STIMATE: variants seen among roughly 807,000 people sequenced by gnomAD.
STIMATE encodes store-operated calcium entry regulator STIMATE.
In STIMATE, 15 loss-of-function variants were observed where a neutral mutation model predicts 36.7. The ratio of observed to expected loss-of-function variants is 0.41; its 90% confidence interval spans 0.27 to 0.63. STIMATE has a LOEUF of 0.63. Among genes scored for constraint, STIMATE ranks in the 20% least tolerant of loss-of-function variants. The pLI is 0.32. For missense variants in STIMATE, 305 were observed against 397.3 expected (o/e 0.77, Z 1.98); for synonymous variants, 163 against 162.3 (o/e 1.00, Z -0.03).
rs1172570176 is a variant in STIMATE, at chr3:52,844,960, GCT to G, written c.428-21_428-20del. ...GGGTCTCCTGCAGGGACAGGCGGGT[GCT>G]TAGTCACATGGGGCCCAGGCATCTG... On this transcript the variant is annotated intron_variant, in intron 4 of 7. Coordinates refer to ENST00000355083, the MANE Select transcript of STIMATE (RefSeq NM_198563.5). 8.1e-6 allele frequency: 13 copies of G among 1,611,416 alleles called. No homozygotes were observed. Among genetic ancestry groups the G allele is most frequent in the Non-Finnish European group, 1.1e-5 (13 of 1,178,518 alleles).
intron 4 of STIMATE, among the ~76,000 whole-genome samples, chr3:52,847,879 C>T (rs552843258): frequency 1.1e-4 from 17 of 152,212 alleles, no homozygotes; most frequent in South Asian, 8.3e-4. Flanking sequence ...CAGGGCAACT[C>T]GATGTGGGAT....
rs11379141 is a variant in STIMATE at position 52,896,461 on chromosome 3, G to GCC, written c.160+828_160+829dup. Reference sequence around the variant, plus strand: ...AGGATGCACACGATGAAAAACAGAAGCCCCCCCCCACCCCCCATCAGCACA... The same window carrying GCC: ...AGGATGCACACGATGAAAAACAGAAGCCCCCCCCCCCACCCCCCATCAGCACA... On this transcript the variant is annotated intron_variant, in intron 1 of 7. Transcript: ENST00000355083. Among the ~76,000 whole-genome samples the GCC allele has an allele frequency of 1.6e-3, 248 of 151,188 alleles. 1 individual carries two copies. The highest frequency in any genetic ancestry group is 3.8e-3 in the African/African-American group (156 of 41,152).
At chr3:52,870,669 G>A (rs1359734031) in intron 1 of STIMATE, among the ~76,000 whole-genome samples, 1 of 152,198 alleles carries the variant, frequency 6.6e-6, no homozygotes, top group Non-Finnish European at 1.5e-5. Context: ...CCCCATGGGA[G>A]GCAGAGTGGC....
intron 1 of STIMATE, among the ~76,000 whole-genome samples, chr3:52,880,368 C>T (rs771232642): frequency 4.6e-5 from 7 of 152,224 alleles, no homozygotes; most frequent in Non-Finnish European, 8.8e-5. Context: ...AGTTAAAACA[C>T]TGTCAAGAGT....
At chr3:52,892,634 T>A (rs888600996) in intron 1 of STIMATE, among the ~76,000 whole-genome samples, 1 of 152,168 alleles carries the variant, frequency 6.6e-6, no homozygotes, top group Non-Finnish European at 1.5e-5. Context: ...CAGGAGGAGG[T>A]GATCACTGGG....
intron 1 of STIMATE, 114 bp downstream of exon 1, chr3:52,897,177 G>A (rs1300326678): frequency 2.2e-6 from 3 of 1,357,634 alleles, no homozygotes; most frequent in Admixed American, 2.6e-5. Flanking sequence ...GTTTGCGGGG[G>A]AGGAGCAATT....
chr3:52,856,703 AAAAGAAAAGCTCTGTT>A (rs71848162), intron 1 of STIMATE, among the ~76,000 whole-genome samples: 1,996 of 152,194 alleles, frequency 0.013, 46 homozygotes, highest in African/African-American at 0.046. Flanking sequence ...AAAAGAAAAG[AAAAGAAAAGCTCTGTT>A]AATTGAGCAG....
At chr3:52,847,568 C>T (rs1470292841) in intron 4 of STIMATE, 6 of 1,288,848 alleles carry the variant, frequency 4.7e-6, no homozygotes, top group East Asian at 5.6e-5. Context: ...ACAAAAGACA[C>T]ATCCTAGAAA....
At chr3:52,860,931 G>A (rs900202532) in intron 1 of STIMATE, among the ~76,000 whole-genome samples, 4 of 152,166 alleles carry the variant, frequency 2.6e-5, no homozygotes. Flanking sequence ...CTGTCCCACG[G>A]AAACAGTTGT....
chr3:52,860,706 T>C (rs891531844), intron 1 of STIMATE, among the ~76,000 whole-genome samples: 10 of 151,940 alleles, frequency 6.6e-5, no homozygotes, highest in South Asian at 2.1e-4. Flanking sequence ...ACCGGGGCAA[T>C]AGGAGAGGGG....
intron 3 of STIMATE, 80 bp from the exon 4 acceptor site, chr3:52,849,993 G>A (rs1372591349): frequency 1.3e-6 from 2 of 1,517,682 alleles, no homozygotes; most frequent in Non-Finnish European, 1.8e-6. Context: ...TGGCCTGAGG[G>A]AAGCGGATGG....
intron 1 of STIMATE, among the ~76,000 whole-genome samples, chr3:52,885,533 C>T (rs1364025054): frequency 6.6e-6 from 1 of 152,228 alleles, no homozygotes. Flanking sequence ...ACTCAAATGT[C>T]TCTCCGTCCT....
intron 4 of STIMATE, among the ~76,000 whole-genome samples, chr3:52,847,835 CAAGGACACTTTA>C (rs1283995262): frequency 6.6e-6 from 1 of 152,122 alleles, no homozygotes; most frequent in Non-Finnish European, 1.5e-5. Flanking sequence ...AATGTAATCA[CAAGGACACTTTA>C]AAGTAGAAGG....
At chr3:52,873,002 T>C (rs550150369) in intron 1 of STIMATE, among the ~76,000 whole-genome samples, 2 of 152,366 alleles carry the variant, frequency 1.3e-5, no homozygotes, top group African/African-American at 4.8e-5. Flanking sequence ...AAAGACTTAA[T>C]TTCTTCTGAA....
intron 1 of STIMATE, among the ~76,000 whole-genome samples, chr3:52,865,068 TC>T (rs1490028492): frequency 2.0e-5 from 3 of 151,986 alleles, no homozygotes; most frequent in Admixed American, 6.6e-5. Context: ...TGCCTCAGCC[TC>T]CTGAGTAGCT....
At chr3:52,865,227 G>A (rs1701284609) in intron 1 of STIMATE, among the ~76,000 whole-genome samples, 1 of 152,200 alleles carries the variant, frequency 6.6e-6, no homozygotes, top group African/African-American at 2.4e-5. Context: ...TTACAAGCGT[G>A]AGCCACGGTG....
intron 1 of STIMATE, among the ~76,000 whole-genome samples, chr3:52,889,080 G>A (rs1401194980): frequency 6.6e-6 from 1 of 152,114 alleles, no homozygotes; most frequent in Non-Finnish European, 1.5e-5. Context: ...AGAATGAAGA[G>A]GGCACACTAA....
chr3:52,883,263 T>A (rs1575347932), intron 1 of STIMATE, among the ~76,000 whole-genome samples: 1 of 152,260 alleles, frequency 6.6e-6, no homozygotes, highest in Non-Finnish European at 1.5e-5. Flanking sequence ...TTAAAGATGT[T>A]GTTCCATTGT....
At chr3:52,867,063 CCT>C (rs1194363327) in intron 1 of STIMATE, among the ~76,000 whole-genome samples, 2 of 152,152 alleles carry the variant, frequency 1.3e-5, no homozygotes, top group African/African-American at 4.8e-5. Context: ...CCCTTGCATC[CCT>C]CTTACCAGAT....
Sources: gnomAD v4.1 joint callset for allele counts (sites outside exome capture counted in the v4.1 genomes callset) on GRCh38, gnomAD v4.1.1 for gene constraint, MANE v1.5 for transcripts, NCBI Gene and HGNC (gene_info 2026-07-23, HGNC 2026-07-21) for gene names.